Variants in RHOBTB2 observed in about 807,000 individuals in gnomAD.
RHOBTB2 encodes the protein rho-related BTB domain-containing protein 2.
In RHOBTB2, 39 loss-of-function variants were observed where a neutral mutation model predicts 66.5. That is an observed-to-expected ratio of 0.59 (90% CI 0.45 to 0.77). The LOEUF (loss-of-function observed/expected upper bound fraction) is 0.77, where lower values mean the gene tolerates loss of function less well. RHOBTB2 is among the 30% of genes least tolerant of loss of function. The pLI, the probability that RHOBTB2 is intolerant of heterozygous loss-of-function variation, is 0.00. For synonymous variants in RHOBTB2, 390 were observed against 395.0 expected, an observed-to-expected ratio of 0.99 and a Z score of 0.15; for missense variants, 755 against 999.1, an observed-to-expected ratio of 0.76 and a Z score of 3.29.
the RHOBTB2 span, among the ~76,000 whole-genome samples, chr8:22,970,256 G>A: frequency 2.6e-5 from 4 of 152,244 alleles, no homozygotes; most frequent in South Asian, 6.2e-4. Flanking sequence ...GCATCCTCAC[G>A]CGGCAGAAGG....
At chr8:23,014,540 A>T in intron 7 of RHOBTB2, 150 bp from the exon 8 acceptor site, 1 of 631,054 alleles carries the variant, frequency 1.6e-6, no homozygotes, top group Non-Finnish European at 2.8e-6. Flanking sequence ...TGGTGGCAGC[A>T]GACGTCATAG....
intron 1 of RHOBTB2, among the ~76,000 whole-genome samples, chr8:22,989,288 C>T (rs975492127): frequency 2.6e-5 from 4 of 152,176 alleles, no homozygotes; most frequent in Admixed American, 1.3e-4. Flanking sequence ...GCTGGGATTA[C>T]AGGTGCATGC....
chr8:23,010,802 AAG>A, intron 7 of RHOBTB2, 114 bp downstream of exon 7: 1 of 1,148,008 alleles, frequency 8.7e-7, no homozygotes, highest in Non-Finnish European at 1.2e-6. Flanking sequence ...CCAAGGGACT[AAG>A]CGTACATGAA....
Position 23,012,406 on chromosome 8 carries a change from G to A in RHOBTB2, c.1771+1718G>A, listed in dbSNP as rs756880030. On this transcript the variant is annotated intron_variant, in intron 7 of 9. Coordinates refer to ENST00000251822, the MANE Select transcript of RHOBTB2 (RefSeq NM_015178.3). ...TTAAGTAACTTTTCATGAAATTATC[G>A]ATACACACTAGGGAACATCCACAAA... Among the ~76,000 whole-genome samples, 7 of 152,238 alleles carry A rather than the reference G, an allele frequency of 4.6e-5. No homozygotes were observed. In the East Asian group the frequency reaches 7.7e-4, roughly 17 times the overall value.
At chr8:22,960,226 C>G in the RHOBTB2 span, among the ~76,000 whole-genome samples, 1 of 150,960 alleles carries the variant, frequency 6.6e-6, no homozygotes, top group Admixed American at 6.6e-5. Flanking sequence ...CAACAAAAAA[C>G]AAGTTGAAAT....
In RHOBTB2 at chr8:23,005,616, T is replaced by A. The variant is rs542465680; in HGVS notation, c.296+141T>A. 2.4e-4 allele frequency: 162 copies of A among 669,934 alleles called. No individual in the cohort carries two copies. In the South Asian group the frequency reaches 2.7e-3, roughly 11 times the overall value. 41.5% of individuals were successfully genotyped at this position (669,934 alleles called of 1,614,324 possible). On this transcript the variant is annotated intron_variant, in intron 3 of 9. Coordinates refer to ENST00000251822, the MANE Select transcript of RHOBTB2 (RefSeq NM_015178.3). ...AGCTCTGGCAGAGCCTCATGGGGGC[T>A]GGGGCAGCCTGGTGCAGTGAAGGGA...
At chr8:22,953,250 C>T in the RHOBTB2 span, among the ~76,000 whole-genome samples, 1 of 152,172 alleles carries the variant, frequency 6.6e-6, no homozygotes, top group Non-Finnish European at 1.5e-5. Context: ...GGTGCGCATG[C>T]TTGAGCCCAC....
At chr8:22,967,602 TAAAAAA>T in the RHOBTB2 span, among the ~76,000 whole-genome samples, 5 of 57,802 alleles carry the variant, frequency 8.7e-5, no homozygotes, top group African/African-American at 3.8e-4. Flanking sequence ...AAACTCTGTC[TAAAAAA>T]AAAAAAAAAA....
rs1563290237 is a variant in RHOBTB2 at position 23,004,769 on chromosome 8, A to G, written c.192+143A>G. On this transcript the variant is annotated intron_variant, in intron 2 of 9. Coordinates refer to ENST00000251822, the MANE Select transcript of RHOBTB2 (RefSeq NM_015178.3). This position sits in a 1 kb window ranked among gnomAD's most constrained non-coding sequence, Gnocchi z 6.4. ...ATGGGTTGGGGGCAGCTGAAGAGGA[A>G]GGAGCCCCTGGAGAGAGGTTTAAGC... is the stretch of plus-strand genomic sequence containing the variant. The G allele has an allele frequency of 3.9e-6, 3 of 775,726 alleles. No homozygotes were observed. The highest frequency in any genetic ancestry group is 2.7e-5 in the East Asian group (1 of 37,302). 48.1% of individuals were successfully genotyped at this position (775,726 alleles called of 1,614,324 possible). A position where few individuals can be genotyped will look rare whatever the true frequency, so the allele number is the denominator to read the frequency against.
At chr8:22,978,303 C>T in the RHOBTB2 span, among the ~76,000 whole-genome samples, 15 of 151,756 alleles carry the variant, frequency 9.9e-5, no homozygotes, top group South Asian at 8.3e-4. Flanking sequence ...CCCCAAAATA[C>T]GGTGAAACCC....
chr8:23,012,437 T>G (rs1010819497), intron 7 of RHOBTB2, among the ~76,000 whole-genome samples: 3 of 152,200 alleles, frequency 2.0e-5, no homozygotes, highest in Admixed American at 1.3e-4. Flanking sequence ...ACAAAAATGT[T>G]TATATCTGCC....
the RHOBTB2 span, among the ~76,000 whole-genome samples, chr8:22,979,904 C>G: frequency 6.6e-6 from 1 of 151,450 alleles, no homozygotes; most frequent in Non-Finnish European, 1.5e-5. Context: ...ACTATAGGCG[C>G]GTGCCATCAC....
chr8:22,994,513 CTCT>C, intron 2 of RHOBTB2: 2 of 1,182,702 alleles, frequency 1.7e-6, no homozygotes. Context: ...CCTTTCTCCC[CTCT>C]GTCTCCCCTG....
intron 7 of RHOBTB2, among the ~76,000 whole-genome samples, chr8:23,011,220 C>A (rs1177284204): frequency 2.6e-5 from 4 of 152,320 alleles, no homozygotes; most frequent in South Asian, 2.1e-4. Flanking sequence ...CACCACTGCA[C>A]TCCAGCCTGG....
upstream of RHOBTB2, among the ~76,000 whole-genome samples, chr8:22,997,977 T>C (rs143863760): frequency 8.0e-4 from 122 of 152,316 alleles, 1 homozygote; most frequent in African/African-American, 2.8e-3. Context: ...AAATAAGTAC[T>C]TTCTGGTTTA....
At chr8:23,011,767 C>T (rs953389711) in intron 7 of RHOBTB2, among the ~76,000 whole-genome samples, 2 of 152,058 alleles carry the variant, frequency 1.3e-5, no homozygotes, top group Non-Finnish European at 2.9e-5. Flanking sequence ...GTGTTGATGC[C>T]GAGGTTAATA....
In RHOBTB2 at chr8:23,017,696, C is replaced by T. The variant is rs540496437; in HGVS notation, c.*227C>T. On this transcript the variant is annotated 3_prime_UTR_variant, in exon 10 of 10. Transcript: ENST00000251822. The surrounding 1 kb of genome is among the most constrained non-coding windows in gnomAD (Gnocchi z 5.3). ...AGAGGTCCCCAGACCCAAAGCAGGA[C>T]GGGAGACAACTGCTTGGAGGAGCGA... The T allele has an allele frequency of 2.1e-4, 132 of 614,612 alleles. No individual in the cohort carries two copies. Among genetic ancestry groups the T allele is most frequent in the African/African-American group, 1.4e-3 (74 of 54,272 alleles). 38.1% of individuals were successfully genotyped at this position (614,612 alleles called of 1,614,324 possible). A position where few individuals can be genotyped will look rare whatever the true frequency, so the allele number is the denominator to read the frequency against.
chr8:23,011,211 A>G (rs529665689), intron 7 of RHOBTB2, among the ~76,000 whole-genome samples: 48 of 152,324 alleles, frequency 3.2e-4, no homozygotes, highest in African/African-American at 1.0e-3. Context: ...CTGAGTTTGC[A>G]CCACTGCACT....
the RHOBTB2 span, among the ~76,000 whole-genome samples, chr8:22,964,341 T>C: frequency 6.6e-6 from 1 of 152,110 alleles, no homozygotes; most frequent in African/African-American, 2.4e-5. Context: ...TCATTCCTAA[T>C]ATTAAAAACA....
Sources: gnomAD v4.1 joint callset for allele counts (sites outside exome capture counted in the v4.1 genomes callset) on GRCh38, gnomAD v4.1.1 for gene constraint, Gnocchi (gnomAD v3.1) non-coding constraint, MANE v1.5 for transcripts, NCBI Gene and HGNC (gene_info 2026-07-23, HGNC 2026-07-21) for gene names.